Variants in ELMO1 observed in about 807,000 individuals in gnomAD.
ELMO1 encodes engulfment and cell motility protein 1.
ELMO1 carries 26 observed loss-of-function variants against 98.9 expected under a neutral mutation model. That is an observed-to-expected ratio of 0.26 (90% confidence interval 0.19 to 0.36). ELMO1 has a LOEUF of 0.36. Among genes scored for constraint, ELMO1 ranks in the 10% least tolerant of loss-of-function variants. ELMO1 has a pLI of 1.00. For missense variants in ELMO1, 627 were observed against 935.2 expected (o/e 0.67, Z 4.30); for synonymous variants, 346 against 346.0 (o/e 1.00, Z 0.00).
intron 16 of ELMO1, among the ~76,000 whole-genome samples, chr7:36,901,303 G>A (rs1806488896): frequency 6.6e-6 from 1 of 152,222 alleles, no homozygotes; most frequent in East Asian, 1.9e-4. Context: ...TGCTGTCTGG[G>A]CTGAAGGAGT....
At chr7:37,337,325 A>G (rs1800466990) in intron 2 of ELMO1, among the ~76,000 whole-genome samples, 1 of 152,038 alleles carries the variant, frequency 6.6e-6, no homozygotes, top group Non-Finnish European at 1.5e-5. Context: ...GAATTGAACA[A>G]TGAGAACACA....
At chr7:37,246,862 A>C (rs1356144564) in intron 6 of ELMO1, among the ~76,000 whole-genome samples, 1 of 149,944 alleles carries the variant, frequency 6.7e-6, no homozygotes, top group Admixed American at 6.6e-5. Context: ...CTATCTATAT[A>C]TATCTCTATC....
chr7:36,858,444 G>T (rs1009237182), intron 21 of ELMO1, among the ~76,000 whole-genome samples: 4 of 152,174 alleles, frequency 2.6e-5, no homozygotes, highest in Non-Finnish European at 5.9e-5. Flanking sequence ...GGGGACCGAT[G>T]AATATATGAA....
intron 15 of ELMO1, among the ~76,000 whole-genome samples, chr7:37,086,201 T>C (rs1032312385): frequency 1.3e-5 from 2 of 152,210 alleles, no homozygotes; most frequent in African/African-American, 4.8e-5. Context: ...CAGCACCTTT[T>C]GCTCTTTCAG....
chr7:37,265,552 C>T (rs927575091), intron 5 of ELMO1, among the ~76,000 whole-genome samples: 1 of 152,052 alleles, frequency 6.6e-6, no homozygotes, highest in South Asian at 2.1e-4. Flanking sequence ...TCTCATGAGG[C>T]GTCCCTGTCC....
rs1371395526 is a variant in ELMO1 at position 37,331,357 on chromosome 7, G to GTTTTTTTTTTTTTTTT, written c.78+11255_78+11256insAAAAAAAAAAAAAAAA. On this transcript the variant is annotated intron_variant, in intron 2 of 21. Coordinates refer to ENST00000310758, the MANE Select transcript of ELMO1 (RefSeq NM_014800.11). ...GCTTTTTTTTTTTTTTTTTTTTTTG[G>GTTTTTTTTTTTTTTTT]AATTTTAGTAGAGACAGGGTTTCAC... is the stretch of plus-strand genomic sequence containing the variant. 2.6e-5 allele frequency among the ~76,000 whole-genome samples: 2 copies of GTTTTTTTTTTTTTTTT among 77,202 alleles called. 1 individual carries two copies. Among genetic ancestry groups the GTTTTTTTTTTTTTTTT allele is most frequent in the Non-Finnish European group, 4.8e-5 (2 of 41,764 alleles). 50.6% of individuals were successfully genotyped at this position (77,202 alleles called of 152,430 possible).
intron 13 of ELMO1, among the ~76,000 whole-genome samples, chr7:37,168,816 G>T (rs1389926873): frequency 6.6e-6 from 1 of 152,204 alleles, no homozygotes; most frequent in Non-Finnish European, 1.5e-5. Context: ...GAGGCAGTCT[G>T]CCCATTCTCA....
chr7:37,446,044 G>A (rs760407705), intron 1 of ELMO1, among the ~76,000 whole-genome samples: 2 of 152,180 alleles, frequency 1.3e-5, no homozygotes, highest in Non-Finnish European at 2.9e-5. Flanking sequence ...GCAGAACAGA[G>A]TCTAAAAGAA....
chr7:36,988,646 T>C (rs1584483069), intron 16 of ELMO1, among the ~76,000 whole-genome samples: 4 of 152,148 alleles, frequency 2.6e-5, no homozygotes, highest in Non-Finnish European at 5.9e-5. Flanking sequence ...CATCAAGCCA[T>C]GATCTAAAGG....
At chr7:36,993,509 T>C (rs970641306) in intron 16 of ELMO1, among the ~76,000 whole-genome samples, 3 of 152,206 alleles carry the variant, frequency 2.0e-5, no homozygotes. Flanking sequence ...GTTCTCTATC[T>C]ATGAATACTT....
At chr7:37,219,878 A>T (rs968565009) in intron 10 of ELMO1, among the ~76,000 whole-genome samples, 22 of 152,262 alleles carry the variant, frequency 1.4e-4, no homozygotes, top group Non-Finnish European at 1.0e-4. Context: ...ACTCTCAATA[A>T]TATTATCATT....
chr7:37,293,715 T>A (rs1404074749), intron 4 of ELMO1, among the ~76,000 whole-genome samples: 33 of 65,542 alleles, frequency 5.0e-4, no homozygotes, highest in Non-Finnish European at 7.1e-4. Context: ...GAATGATCAA[T>A]AAAAAAAAAA....
At chr7:37,394,874 C>A (rs544972512) in intron 1 of ELMO1, among the ~76,000 whole-genome samples, 1 of 152,226 alleles carries the variant, frequency 6.6e-6, no homozygotes, top group South Asian at 2.1e-4. Context: ...AACTTGAGAC[C>A]CCAGCAAATT....
intron 13 of ELMO1, among the ~76,000 whole-genome samples, chr7:37,135,112 C>G (rs907298268): frequency 3.9e-5 from 6 of 152,182 alleles, no homozygotes; most frequent in African/African-American, 1.2e-4. Flanking sequence ...GATCTGAACT[C>G]TCCATCTACT....
chr7:37,138,678 A>G (rs1787422925), intron 13 of ELMO1, among the ~76,000 whole-genome samples: 1 of 152,240 alleles, frequency 6.6e-6, no homozygotes, highest in Non-Finnish European at 1.5e-5. Context: ...TATTGACACT[A>G]TTCCAAAAGA....
intron 1 of ELMO1, among the ~76,000 whole-genome samples, chr7:37,348,589 G>A (rs1283126491): frequency 6.6e-6 from 1 of 152,076 alleles, no homozygotes; most frequent in Non-Finnish European, 1.5e-5. Context: ...AGGTACTGAA[G>A]TCTGTATAGC....
intron 1 of ELMO1, among the ~76,000 whole-genome samples, chr7:37,392,441 T>G (rs9648448): frequency 0.88 from 133,523 of 152,240 alleles, 58,648 homozygotes; most frequent in East Asian, 0.96. Flanking sequence ...CAGAACTTGG[T>G]GACAACCTAG....
chr7:37,268,150 A>G (rs561850551), intron 5 of ELMO1, among the ~76,000 whole-genome samples: 99 of 152,338 alleles, frequency 6.5e-4, no homozygotes, highest in African/African-American at 2.2e-3. Context: ...GCTGCATGCA[A>G]CAGAGGACCT....
chr7:37,263,299 T>C (rs1402656412), intron 5 of ELMO1, among the ~76,000 whole-genome samples: 1 of 151,670 alleles, frequency 6.6e-6, no homozygotes, highest in Non-Finnish European at 1.5e-5. Context: ...CTCAGACAAG[T>C]CTTTCCAGTT....
Sources: allele counts gnomAD v4.1 joint callset (sites outside exome capture counted in the v4.1 genomes callset), GRCh38; gene constraint gnomAD v4.1.1; transcripts MANE v1.5; gene names NCBI Gene and HGNC (gene_info 2026-07-23, HGNC 2026-07-21).